The following ST3GAL1 variants were observed in gnomAD, a reference collection of about 807,000 sequenced individuals.
The protein encoded by ST3GAL1 is ST3 beta-galactoside alpha-2,3-sialyltransferase 1, also known as CMP-N-acetylneuraminate-beta-galactosamide-alpha-2,3-sialyltransferase 1.
ST3GAL1 carries 16 observed loss-of-function variants against 34.1 expected under a neutral mutation model. That is an observed-to-expected ratio of 0.47 (90% CI 0.32 to 0.71). The LOEUF is 0.71. ST3GAL1 is among the 30% of genes least tolerant of loss of function. The probability of loss-of-function intolerance (pLI) is 0.04; values close to 1 mark genes in which losing one functional copy is unlikely to be tolerated. For missense variants in ST3GAL1, 353 were observed against 447.4 expected (o/e 0.79, Z 1.90); for synonymous variants, 191 against 184.7 (o/e 1.03, Z -0.28).
intron 2 of ST3GAL1, among the ~76,000 whole-genome samples, chr8:133,534,878 C>G (rs1818263974): frequency 6.6e-6 from 1 of 152,230 alleles, no homozygotes; most frequent in South Asian, 2.1e-4. Flanking sequence ...ATGCCTGGCC[C>G]ACAGGGTGCT....
At chr8:133,563,458 C>A (rs903152804) in intron 1 of ST3GAL1, among the ~76,000 whole-genome samples, 2 of 152,172 alleles carry the variant, frequency 1.3e-5, no homozygotes, top group Admixed American at 1.3e-4. Flanking sequence ...CCGCACTAGG[C>A]CCCAACAGGG....
At chr8:133,542,759 T>TGAAA (rs1347458935) in intron 2 of ST3GAL1, among the ~76,000 whole-genome samples, 2 of 117,134 alleles carry the variant, frequency 1.7e-5, no homozygotes, top group African/African-American at 7.0e-5. Context: ...CCAGCCTGGG[T>TGAAA]GAAAGTAACT....
chr8:133,549,504 C>T (rs748454634), intron 1 of ST3GAL1, among the ~76,000 whole-genome samples: 1 of 152,106 alleles, frequency 6.6e-6, no homozygotes, highest in Non-Finnish European at 1.5e-5. Flanking sequence ...CACCTGTGGC[C>T]GACTGTGATC....
intron 2 of ST3GAL1, among the ~76,000 whole-genome samples, chr8:133,513,039 C>T (rs1304220416): frequency 3.9e-5 from 6 of 152,126 alleles, no homozygotes; most frequent in Admixed American, 1.3e-4. Context: ...CTGGGACTGA[C>T]GAAGACCAGG....
At position 133,546,141 on chromosome 8, in the gene ST3GAL1, T is replaced by C. The variant is rs1818663705; in HGVS notation, c.-581-215A>G. Among the ~76,000 whole-genome samples the C allele has an allele frequency of 2.0e-5, 3 of 152,058 alleles. No homozygotes were observed. In the South Asian group the frequency reaches 6.2e-4, roughly 32 times the overall value. On this transcript the variant is annotated intron_variant, in intron 1 of 9. Coordinates refer to ENST00000522652, the MANE Select transcript of ST3GAL1 (RefSeq NM_173344.3). ...AGGAAGGTGAGTAACTCACAACTCCTCTCCGCAGGGAGTTCAGACTGGGAG... is the reference window on the plus strand; with the variant it reads ...AGGAAGGTGAGTAACTCACAACTCCCCTCCGCAGGGAGTTCAGACTGGGAG...
intron 2 of ST3GAL1, among the ~76,000 whole-genome samples, chr8:133,528,009 G>GAA (rs34406789): frequency 2.9e-5 from 4 of 140,282 alleles, no homozygotes; most frequent in Admixed American, 7.0e-5. Flanking sequence ...CATCTCTACT[G>GAA]AAAAAAAAAA....
Position 133,461,712 on chromosome 8 carries a change from A to G in ST3GAL1, c.849+163T>C, listed in dbSNP as rs528125272. ...ATAGAGCACTGTTACTCACTAAAAC[A>G]CCCTGGGAGACACATGTTGCAAGTC... On this transcript the variant is annotated intron_variant, in intron 9 of 9. Transcript: ENST00000522652. This position sits in a 1 kb window ranked among gnomAD's most constrained non-coding sequence, Gnocchi z 4.7. Among the ~76,000 whole-genome samples, 3 of 152,208 alleles carry G rather than the reference A, an allele frequency of 2.0e-5. No homozygotes were observed. In the South Asian group the frequency reaches 6.2e-4, roughly 32 times the overall value.
intron 1 of ST3GAL1, among the ~76,000 whole-genome samples, chr8:133,563,903 C>T (rs1279244950): frequency 6.6e-6 from 1 of 152,124 alleles, no homozygotes; most frequent in Admixed American, 6.5e-5. Flanking sequence ...GTAAGGCTGT[C>T]ATCAAGGGAG....
rs190741693 is a variant in ST3GAL1, at chr8:133,556,533, A to G, written c.-581-10607T>C. ...TCTCAGATCTGGGAGGAATTGTGAA[A>G]CATGGACCTGTTTGTCTTCTAAGCA... On this transcript the variant is annotated intron_variant, in intron 1 of 9. Coordinates refer to ENST00000522652, the MANE Select transcript of ST3GAL1 (RefSeq NM_173344.3). The surrounding 1 kb of genome is among the most constrained non-coding windows in gnomAD (Gnocchi z 8.9). 8.5e-5 allele frequency among the ~76,000 whole-genome samples: 13 copies of G among 152,352 alleles called. No homozygotes were observed. The highest frequency in any genetic ancestry group is 2.0e-4 in the Admixed American group (3 of 15,300).
intron 4 of ST3GAL1, 72 bp downstream of exon 4, chr8:133,476,206 T>A (rs773298485): frequency 6.3e-6 from 4 of 634,440 alleles, no homozygotes; most frequent in African/African-American, 1.8e-5. Flanking sequence ...GACCCCCAAC[T>A]GTGTCCCAGA....
chr8:133,465,815 C>A, intron 6 of ST3GAL1, 79 bp downstream of exon 6: 1 of 1,508,086 alleles, frequency 6.6e-7, no homozygotes, highest in South Asian at 1.3e-5. Context: ...CTTCCTGAGC[C>A]TGAGCCAAGA....
In ST3GAL1 at chr8:133,455,758, A is replaced by G. The variant is rs1439379891; in HGVS notation, c.*4006T>C. On this transcript the variant is annotated 3_prime_UTR_variant, in exon 10 of 10. Transcript: ENST00000522652. ...CTCGAGGCTCGGGCTTCCCTGCACA[A>G]GGTATTTTTGATCCTTGCCAGCGGA... 6.6e-6 allele frequency: 1 copy of G among 152,208 alleles called. No individual in the cohort carries two copies. Among genetic ancestry groups the G allele is most frequent in the Non-Finnish European group, 1.5e-5 (1 of 68,066 alleles). The allele number at this position is 152,208 out of a possible 1,614,324, so 9.4% of individuals were successfully genotyped here. A position where few individuals can be genotyped will look rare whatever the true frequency, so the allele number is the denominator to read the frequency against.
At chr8:133,499,107 G>A (rs1410507086) in intron 3 of ST3GAL1, 28 bp downstream of exon 3, 1 of 152,210 alleles carries the variant, frequency 6.6e-6, no homozygotes, top group Non-Finnish European at 1.5e-5. Flanking sequence ...AAAGAGAGCT[G>A]GGTTCGAATC....
At chr8:133,471,217 T>C (rs1455331379) in intron 5 of ST3GAL1, among the ~76,000 whole-genome samples, 1 of 152,198 alleles carries the variant, frequency 6.6e-6, no homozygotes, top group African/African-American at 2.4e-5. Flanking sequence ...TGCTAGGTAG[T>C]ACAGGCTCAA....
intron 6 of ST3GAL1, chr8:133,465,596 C>T (rs1359684513): frequency 3.1e-6 from 1 of 319,630 alleles, no homozygotes; most frequent in Non-Finnish European, 5.7e-6. Flanking sequence ...TAAGAGTCCT[C>T]ACATTAATTT....
At chr8:133,559,583 A>G (rs988295790) in intron 1 of ST3GAL1, among the ~76,000 whole-genome samples, 15 of 152,208 alleles carry the variant, frequency 9.9e-5, no homozygotes, top group African/African-American at 3.6e-4. Context: ...GGCAGCTAAC[A>G]TGTTTCCTGA....
At chr8:133,515,082 A>T (rs1294462835) in intron 2 of ST3GAL1, among the ~76,000 whole-genome samples, 2 of 151,956 alleles carry the variant, frequency 1.3e-5, no homozygotes, top group East Asian at 3.9e-4. Context: ...ACCCTCTGCC[A>T]GCTTCTTCAT....
intron 9 of ST3GAL1, among the ~76,000 whole-genome samples, chr8:133,460,916 G>T (rs1311708302): frequency 2.0e-5 from 3 of 152,136 alleles, no homozygotes; most frequent in Admixed American, 6.5e-5. Flanking sequence ...AGGGGACGGG[G>T]ACAGCACCAT....
intron 3 of ST3GAL1, among the ~76,000 whole-genome samples, chr8:133,485,375 G>A (rs955686385): frequency 9.2e-5 from 14 of 152,176 alleles, no homozygotes; most frequent in Non-Finnish European, 1.5e-4. Context: ...TCCAGGCAGC[G>A]GGGCAGCTGC....
Sources: gnomAD v4.1 joint callset for allele counts (sites outside exome capture counted in the v4.1 genomes callset) on GRCh38, gnomAD v4.1.1 for gene constraint, Gnocchi (gnomAD v3.1) non-coding constraint, MANE v1.5 for transcripts, NCBI Gene and HGNC (gene_info 2026-07-23, HGNC 2026-07-21) for gene names.